Variants in SH3RF2 observed in about 807,000 individuals in gnomAD.
The protein encoded by SH3RF2 is E3 ubiquitin-protein ligase SH3RF2.
SH3RF2 carries 43 observed loss-of-function variants against 59.0 expected under a neutral mutation model. The observed-to-expected ratio is 0.73, with a 90% confidence interval of 0.57 to 0.94. SH3RF2 has a LOEUF of 0.94. Ranked by LOEUF, SH3RF2 falls within the 40% of genes least tolerant of loss-of-function variation. The pLI is 0.00. For synonymous variants in SH3RF2, 391 were observed against 391.5 expected, an observed-to-expected ratio of 1.00 and a Z score of 0.01; for missense variants, 930 against 940.1, an observed-to-expected ratio of 0.99 and a Z score of 0.14.
chr5:145,998,990 CA>C (rs1215489337), intron 2 of SH3RF2, among the ~76,000 whole-genome samples: 1 of 150,938 alleles, frequency 6.6e-6, no homozygotes. Context: ...GCCTAAAAAA[CA>C]ATATATCTAA....
At chr5:146,080,382 G>A (rs979068923) in exon 10 of SH3RF2, 4 of 152,026 alleles carry the variant, frequency 2.6e-5, no homozygotes, top group Non-Finnish European at 5.9e-5. Context: ...ATTTTTTTAA[G>A]TACAGTGTTT....
intron 2 of SH3RF2, chr5:145,997,095 G>T: frequency 1.7e-6 from 1 of 589,946 alleles, no homozygotes. Flanking sequence ...AGGTAAACTC[G>T]TATCACGGGC....
At chr5:146,053,023 C>T (rs989051599) in intron 7 of SH3RF2, among the ~76,000 whole-genome samples, 1 of 152,072 alleles carries the variant, frequency 6.6e-6, no homozygotes, top group African/African-American at 2.4e-5. Flanking sequence ...CAGCCAGGGC[C>T]CAAAGGTGTG....
chr5:146,008,880 C>T (rs1760759436), intron 4 of SH3RF2, among the ~76,000 whole-genome samples: 1 of 152,164 alleles, frequency 6.6e-6, no homozygotes, highest in African/African-American at 2.4e-5. Flanking sequence ...TGGAATCATA[C>T]AGAATGTAGC....
chr5:146,040,428 T>G (rs1225053567), intron 5 of SH3RF2, among the ~76,000 whole-genome samples: 2 of 152,032 alleles, frequency 1.3e-5, no homozygotes, highest in Non-Finnish European at 2.9e-5. Context: ...CCAGGAGAAG[T>G]GCAAGGTCAG....
chr5:146,032,943 C>T (rs564780311), intron 5 of SH3RF2, among the ~76,000 whole-genome samples: 1 of 152,294 alleles, frequency 6.6e-6, no homozygotes, highest in Admixed American at 6.5e-5. Flanking sequence ...ACCTGATTCT[C>T]CCTCCAAAAT....
rs749555154 is a variant in SH3RF2, at chr5:146,014,052, T to C, written c.1050T>C (p.Cys350=). Reference sequence around the variant, plus strand: ...AGAAAGCAGACGTTCCTTCCAGCTGTGTGGGACAGGTAGGGAAGAAACGCC... The same window carrying C: ...AGAAAGCAGACGTTCCTTCCAGCTGCGTGGGACAGGTAGGGAAGAAACGCC... ...PMEKADVPSS[C]VGQVSTYHPA... is the part of the protein sequence containing the mutation. Residue 350 remains cysteine (C), a synonymous_variant, in exon 5 of 10, where the codon TGT becomes TGC. Transcript: ENST00000359120. 11 of 1,613,750 alleles carry C rather than the reference T, an allele frequency of 6.8e-6. No homozygotes were observed. The highest frequency in any genetic ancestry group is 3.3e-5 in the South Asian group (3 of 90,960).
At chr5:146,046,467 T>A (rs189700900) in intron 5 of SH3RF2, among the ~76,000 whole-genome samples, 1 of 152,236 alleles carries the variant, frequency 6.6e-6, no homozygotes, top group Non-Finnish European at 1.5e-5. Context: ...TATCAGTAGA[T>A]GACTGAAAAC....
chr5:146,022,877 ACACACACACACACAC>A (rs1761383561), intron 5 of SH3RF2, among the ~76,000 whole-genome samples: 1 of 7,282 alleles, frequency 1.4e-4, no homozygotes, highest in African/African-American at 1.5e-4. Flanking sequence ...CCATCTAAAC[ACACACACACACACAC>A]ACACACACAC....
At chr5:146,003,764 A>G (rs1760522589) in intron 3 of SH3RF2, among the ~76,000 whole-genome samples, 1 of 152,204 alleles carries the variant, frequency 6.6e-6, no homozygotes, top group South Asian at 2.1e-4. Flanking sequence ...CATCAGATAA[A>G]TTTAAATGAA....
chr5:145,958,220 C>T (rs1211906233), intron 2 of SH3RF2, among the ~76,000 whole-genome samples: 1 of 152,212 alleles, frequency 6.6e-6, no homozygotes, highest in Non-Finnish European at 1.5e-5. Context: ...GTTTCCTCCT[C>T]TGTAAAACCG....
chr5:146,038,840 C>T (rs1041233912), intron 5 of SH3RF2, among the ~76,000 whole-genome samples: 3 of 152,198 alleles, frequency 2.0e-5, no homozygotes, highest in Admixed American at 2.0e-4. Context: ...AGAACAAAAA[C>T]GCCAAGTGCC....
intron 2 of SH3RF2, among the ~76,000 whole-genome samples, chr5:145,954,293 T>C (rs540110047): frequency 1.3e-5 from 2 of 152,380 alleles, no homozygotes; most frequent in African/African-American, 2.4e-5. Context: ...TTGATTTGCA[T>C]TTCTCTAATG....
At chr5:145,950,134 GA>G (rs1211763490) in intron 2 of SH3RF2, among the ~76,000 whole-genome samples, 1 of 152,182 alleles carries the variant, frequency 6.6e-6, no homozygotes, top group Non-Finnish European at 1.5e-5. Context: ...CATGTGCCCA[GA>G]ACTGAGCCAA....
At chr5:145,958,408 C>T (rs1031370635) in intron 2 of SH3RF2, among the ~76,000 whole-genome samples, 1 of 152,168 alleles carries the variant, frequency 6.6e-6, no homozygotes, top group African/African-American at 2.4e-5. Context: ...GCTCTAAGCA[C>T]TCAGTGACAG....
chr5:145,945,708 TAG>T (rs1757983552), intron 2 of SH3RF2, among the ~76,000 whole-genome samples: 1 of 152,070 alleles, frequency 6.6e-6, no homozygotes. Context: ...GCAGAGTGAC[TAG>T]ATACTTGCCT....
intron 2 of SH3RF2, among the ~76,000 whole-genome samples, chr5:145,963,456 G>A (rs918515446): frequency 4.6e-5 from 7 of 152,102 alleles, no homozygotes; most frequent in African/African-American, 1.7e-4. Context: ...AACAATAACA[G>A]TAACAAAACC....
intron 2 of SH3RF2, among the ~76,000 whole-genome samples, chr5:145,941,987 G>A (rs982322269): frequency 1.3e-5 from 2 of 152,142 alleles, no homozygotes. Context: ...ATCCAGAGAC[G>A]GTCCTTGGTA....
chr5:145,962,366 C>T (rs943428995), intron 2 of SH3RF2, among the ~76,000 whole-genome samples: 15 of 152,246 alleles, frequency 9.9e-5, no homozygotes, highest in Admixed American at 8.5e-4. Flanking sequence ...GGATTACAAA[C>T]ATTTTACACA....
Sources: allele counts gnomAD v4.1 joint callset (sites outside exome capture counted in the v4.1 genomes callset), GRCh38; gene constraint gnomAD v4.1.1; transcripts MANE v1.5; gene names NCBI Gene and HGNC (gene_info 2026-07-23, HGNC 2026-07-21).